ZNF114: variants seen among roughly 807,000 people sequenced by gnomAD.
ZNF114 encodes zinc finger protein 114 (Y18).
In ZNF114, 8 loss-of-function variants were observed where a neutral mutation model predicts 6.8. The ratio of observed to expected loss-of-function variants is 1.18; its 90% confidence interval spans 0.69 to 2.13. The LOEUF (loss-of-function observed/expected upper bound fraction) is 2.13, where lower values mean the gene tolerates loss of function less well. Among genes scored for constraint, ZNF114 ranks in the 30% most tolerant of loss-of-function variants. ZNF114 has a pLI of 0.00. For synonymous variants in ZNF114, 169 were observed against 185.5 expected (o/e 0.91, Z 0.72); for missense variants, 472 against 519.5 (o/e 0.91, Z 0.89).
chr19:48,270,717 G>A (rs1600831603), intron 1 of ZNF114, among the ~76,000 whole-genome samples: 1 of 142,454 alleles, frequency 7.0e-6, no homozygotes, highest in Non-Finnish European at 1.5e-5. Flanking sequence ...GAAAGAAAGA[G>A]AAGAAAGAAA....
intron 3 of ZNF114, among the ~76,000 whole-genome samples, chr19:48,276,348 G>A (rs1967832449): frequency 1.3e-5 from 2 of 151,860 alleles, no homozygotes; most frequent in South Asian, 4.2e-4. Flanking sequence ...CAGAATACTG[G>A]GATTACAGCC....
At chr19:48,285,642 G>A in intron 5 of ZNF114, 119 bp from the exon 6 acceptor site, 1 of 1,109,558 alleles carries the variant, frequency 9.0e-7, no homozygotes, top group Non-Finnish European at 1.3e-6. Context: ...GAGCGAGGGA[G>A]GGAGGGAAAG....
At chr19:48,285,018 G>T (rs1968081084) in intron 5 of ZNF114, among the ~76,000 whole-genome samples, 1 of 152,126 alleles carries the variant, frequency 6.6e-6, no homozygotes, top group African/African-American at 2.4e-5. Flanking sequence ...TAGAATTCCT[G>T]ATCGTTTCCT....
rs1019263256 is a variant in ZNF114 at position 48,274,152 on chromosome 19, GTGTC to G, written c.-70+2326_-70+2329del. Among the ~76,000 whole-genome samples the G allele has an allele frequency of 2.7e-4, 41 of 151,198 alleles. 1 individual carries two copies. Among genetic ancestry groups the G allele is most frequent in the African/African-American group, 9.7e-4 (40 of 41,126 alleles). Reference sequence around the variant, plus strand: ...TATACACACATATATTTATGTGTGAGTGTCTATATATAAATTCAGCTTTTTCTCA... The same window carrying G: ...TATACACACATATATTTATGTGTGAGTATATATAAATTCAGCTTTTTCTCA... On this transcript the variant is annotated intron_variant, in intron 3 of 5. Coordinates refer to ENST00000595607, the MANE Select transcript of ZNF114 (RefSeq NM_153608.4).
chr19:48,282,975 G>A (rs1968031623), intron 5 of ZNF114, among the ~76,000 whole-genome samples: 1 of 151,490 alleles, frequency 6.6e-6, no homozygotes, highest in African/African-American at 2.4e-5. Context: ...CTCGGCCTCC[G>A]GAAGTGCTGG....
intron 4 of ZNF114, among the ~76,000 whole-genome samples, chr19:48,280,291 A>G (rs1429460434): frequency 6.6e-6 from 1 of 152,024 alleles, no homozygotes; most frequent in African/African-American, 2.4e-5. Flanking sequence ...GGCTGAGGTG[A>G]GAGAATCGCT....
chr19:48,277,174 T>G (rs34038076), intron 3 of ZNF114, among the ~76,000 whole-genome samples: 8,444 of 150,116 alleles, frequency 0.056, 494 homozygotes, highest in African/African-American at 0.15. Context: ...AAAAAATTTT[T>G]TTTAATATAT....
chr19:48,281,313 A>C (rs1967983090), intron 4 of ZNF114, among the ~76,000 whole-genome samples: 2 of 152,194 alleles, frequency 1.3e-5, no homozygotes, highest in South Asian at 2.1e-4. Flanking sequence ...CCGAGATCAA[A>C]ATAGCGGCAG....
rs771273149 is a variant in ZNF114 at position 48,285,946 on chromosome 19, C to T, written c.322C>T (p.Pro108Ser). The change falls in exon 6 of 6, where the codon CCA becomes TCA. Residue 108 changes from proline (P) to serine (S), a missense_variant. Coordinates refer to ENST00000595607, the MANE Select transcript of ZNF114 (RefSeq NM_153608.4). ...CAGGCAGGGGGTGAATAATGTGAAG[C>T]CACCTGCAGTTGCCCCTGAGAAAGA... is the stretch of plus-strand genomic sequence containing the variant. ...PHRQGVNNVK[P>S]PAVAPEKDES... 1.9e-6 allele frequency: 3 copies of T among 1,613,944 alleles called. No individual in the cohort carries two copies. The highest frequency in any genetic ancestry group is 3.3e-5 in the Admixed American group (2 of 59,968).
intron 3 of ZNF114, among the ~76,000 whole-genome samples, chr19:48,275,317 G>A (rs1319597849): frequency 6.6e-6 from 1 of 151,618 alleles, no homozygotes; most frequent in Non-Finnish European, 1.5e-5. Flanking sequence ...CAGGCTTCGT[G>A]GCTTTAATCC....
chr19:48,276,074 CTTTTT>C (rs34454372), intron 3 of ZNF114, among the ~76,000 whole-genome samples: 2 of 73,460 alleles, frequency 2.7e-5, no homozygotes, highest in Non-Finnish European at 5.1e-5. Context: ...CCTCTTACCT[CTTTTT>C]TTTTTTTTTT....
At chr19:48,274,258 G>A (rs1967761663) in intron 3 of ZNF114, among the ~76,000 whole-genome samples, 1 of 151,322 alleles carries the variant, frequency 6.6e-6, no homozygotes. Flanking sequence ...ACAGTGTCAT[G>A]TAAACGTTTA....
chr19:48,285,420 C>T (rs918882113), intron 5 of ZNF114, among the ~76,000 whole-genome samples: 4 of 152,042 alleles, frequency 2.6e-5, no homozygotes, highest in African/African-American at 7.2e-5. Context: ...ATTGCTTGAA[C>T]CTGGGAGGCG....
At chr19:48,275,666 G>A (rs66514352) in intron 3 of ZNF114, among the ~76,000 whole-genome samples, 7,520 of 151,854 alleles carry the variant, frequency 0.05, 414 homozygotes, top group Middle Eastern at 0.14. Context: ...AAGATACATC[G>A]TAGGTGGTGT....
chr19:48,270,405 G>GA (rs910446680), intron 1 of ZNF114, among the ~76,000 whole-genome samples, 186 bp downstream of exon 1: 1 of 55,094 alleles, frequency 1.8e-5, no homozygotes, highest in African/African-American at 6.7e-5. Flanking sequence ...AAAAAAAAAA[G>GA]AAAAAAAGAA....
intron 1 of ZNF114, chr19:48,270,987 C>G (rs1967640313): frequency 6.8e-6 from 1 of 148,116 alleles, no homozygotes; most frequent in African/African-American, 2.5e-5. Flanking sequence ...ACCCGGGAGG[C>G]GGAGGTTGCA....
At chr19:48,281,537 GTTTT>G (rs1251392632) in intron 4 of ZNF114, 2 of 89,050 alleles carry the variant, frequency 2.2e-5, no homozygotes, top group Non-Finnish European at 4.8e-5. Flanking sequence ...TATTTTGTTT[GTTTT>G]TTTGAGACAG....
intron 1 of ZNF114, 96 bp from the exon 2 acceptor site, chr19:48,271,149 G>A (rs900016250): frequency 6.6e-6 from 1 of 152,276 alleles, no homozygotes; most frequent in Non-Finnish European, 1.5e-5. Context: ...TTAGCCGCTA[G>A]TCAACGGATG....
chr19:48,273,550 G>T (rs1424867725), intron 3 of ZNF114, among the ~76,000 whole-genome samples: 1 of 151,694 alleles, frequency 6.6e-6, no homozygotes, highest in African/African-American at 2.4e-5. Context: ...TGAAATAGGC[G>T]GTTTTATCTT....
Sources: gnomAD v4.1 joint callset for allele counts (sites outside exome capture counted in the v4.1 genomes callset) on GRCh38, gnomAD v4.1.1 for gene constraint, MANE v1.5 for transcripts, NCBI Gene and HGNC (gene_info 2026-07-23, HGNC 2026-07-21) for gene names.